Variants in DSCAML1 observed in about 807,000 individuals in gnomAD.
The protein encoded by DSCAML1 is DS cell adhesion molecule like 1, also known as cell adhesion molecule DSCAML1.
Under a neutral mutation model 200.5 loss-of-function variants are expected in DSCAML1, and 38 were observed. That is an observed-to-expected ratio of 0.19 (90% CI 0.15 to 0.25). The LOEUF is 0.25. Among genes scored for constraint, DSCAML1 ranks in the 10% least tolerant of loss-of-function variants. DSCAML1 has a pLI of 1.00. For missense variants in DSCAML1, 2,223 were observed against 2,858.8 expected (o/e 0.78, Z 5.07); for synonymous variants, 1,215 against 1,165.0 (o/e 1.04, Z -0.87).
At chr11:117,688,021 T>C (rs1209147452) in intron 3 of DSCAML1, among the ~76,000 whole-genome samples, 1 of 151,930 alleles carries the variant, frequency 6.6e-6, no homozygotes, top group South Asian at 2.1e-4. Flanking sequence ...CCATTCCCCG[T>C]GGTCGGCGAC....
intron 1 of DSCAML1, among the ~76,000 whole-genome samples, chr11:117,809,435 G>A (rs151224970): frequency 3.3e-5 from 5 of 152,350 alleles, no homozygotes; most frequent in East Asian, 3.9e-4. Flanking sequence ...GCGGTCCTCC[G>A]CGGAAGGAAG....
In DSCAML1 at chr11:117,518,114, C is replaced by T. The variant is rs961139411; in HGVS notation, c.1510+352G>A. 2.0e-5 allele frequency among the ~76,000 whole-genome samples: 3 copies of T among 152,136 alleles called. No homozygotes were observed. Among genetic ancestry groups the T allele is most frequent in the Non-Finnish European group, 4.4e-5 (3 of 68,040 alleles). On this transcript the variant is annotated intron_variant, in intron 7 of 32. Coordinates refer to ENST00000651296, the MANE Select transcript of DSCAML1 (RefSeq NM_020693.4). The surrounding 1 kb of genome is among the most constrained non-coding windows in gnomAD (Gnocchi z 6.3). ...CCTTACAAGGCCCTGGTGGGGCTGG[C>T]AGATACCAGCAGGTGTTTAGCATAC...
chr11:117,544,448 G>T (rs777170950), intron 3 of DSCAML1, among the ~76,000 whole-genome samples: 9 of 152,172 alleles, frequency 5.9e-5, no homozygotes, highest in Admixed American at 2.6e-4. Flanking sequence ...CCTGGCTGGC[G>T]GGAATTAGCT....
intron 14 of DSCAML1, among the ~76,000 whole-genome samples, chr11:117,475,680 G>A (rs975619614): frequency 1.3e-5 from 2 of 152,198 alleles, no homozygotes; most frequent in East Asian, 3.8e-4. Context: ...GGGACTTGAA[G>A]TTCCTCTGCA....
intron 8 of DSCAML1, among the ~76,000 whole-genome samples, chr11:117,513,740 C>CAAAA (rs58490526): frequency 2.6e-5 from 2 of 77,784 alleles, no homozygotes; most frequent in Non-Finnish European, 5.0e-5. Context: ...GACTCTATCT[C>CAAAA]AAAAAAAAAA....
At chr11:117,520,960 A>G (rs929464746) in intron 6 of DSCAML1, among the ~76,000 whole-genome samples, 170 bp downstream of exon 6, 4 of 152,198 alleles carry the variant, frequency 2.6e-5, no homozygotes, top group African/African-American at 9.7e-5. Flanking sequence ...AAAGATTTAA[A>G]TATAAAAAAG....
intron 3 of DSCAML1, among the ~76,000 whole-genome samples, chr11:117,754,715 G>T (rs2054658491): frequency 6.6e-6 from 1 of 152,128 alleles, no homozygotes; most frequent in Admixed American, 6.5e-5. Context: ...GGAAGGAGGA[G>T]GGGGAAACAG....
In DSCAML1 at chr11:117,505,159, G is replaced by C. The variant is rs1035639212; in HGVS notation, c.2063-116C>G. 7 of 1,459,894 alleles carry C rather than the reference G, an allele frequency of 4.8e-6. No individual in the cohort carries two copies. The highest frequency in any genetic ancestry group is 6.4e-6 in the Non-Finnish European group (7 of 1,086,778). The allele number at this position is 1,459,894 out of a possible 1,614,324, so 90.4% of individuals were successfully genotyped here. On this transcript the variant is annotated intron_variant, in intron 9 of 32. Coordinates refer to ENST00000651296, the MANE Select transcript of DSCAML1 (RefSeq NM_020693.4). The surrounding 1 kb of genome is among the most constrained non-coding windows in gnomAD (Gnocchi z 6.7). ...TGCCCGGGCCATTATAAAGTTGGAAGCGGGCAGTTTCTGAAACCCAAGATG... is the reference window on the plus strand; with the variant it reads ...TGCCCGGGCCATTATAAAGTTGGAACCGGGCAGTTTCTGAAACCCAAGATG...
intron 3 of DSCAML1, among the ~76,000 whole-genome samples, chr11:117,673,018 C>T (rs190078137): frequency 9.2e-5 from 14 of 152,260 alleles, no homozygotes; most frequent in Non-Finnish European, 1.9e-4. Context: ...GGCTCTAAGA[C>T]GTCTGTGCTC....
intron 3 of DSCAML1, among the ~76,000 whole-genome samples, chr11:117,746,720 TGCTCCCC>T (rs1400543193): frequency 5.8e-4 from 88 of 152,166 alleles, no homozygotes; most frequent in African/African-American, 2.1e-3. Flanking sequence ...GACCCTAGGG[TGCTCCCC>T]AAACACACAG....
intron 3 of DSCAML1, among the ~76,000 whole-genome samples, chr11:117,548,856 G>A (rs1317227745): frequency 2.0e-5 from 3 of 152,292 alleles, no homozygotes; most frequent in South Asian, 2.1e-4. Flanking sequence ...GAGAGTTACC[G>A]GGAGGAGTCG....
rs1202233650 is a variant in DSCAML1 at position 117,442,185 on chromosome 11, GTGTA to G, written c.3862+1697_3862+1700del. Among the ~76,000 whole-genome samples the G allele has an allele frequency of 8.5e-3, 1,283 of 151,748 alleles. 42 individuals carry two copies. In the East Asian group the frequency reaches 0.11, roughly 13 times the overall value. Reference sequence around the variant, plus strand: ...CGTATATGCATGTAGTGTGTATAGTGTGTATGTGTGTGCATGTGTGCATGTATTA... The same window carrying G: ...CGTATATGCATGTAGTGTGTATAGTGTGTGTGTGCATGTGTGCATGTATTA... On this transcript the variant is annotated intron_variant, in intron 21 of 32. Transcript: ENST00000651296.
chr11:117,703,251 C>A (rs1181817892), intron 3 of DSCAML1, among the ~76,000 whole-genome samples: 1 of 152,188 alleles, frequency 6.6e-6, no homozygotes, highest in Non-Finnish European at 1.5e-5. Flanking sequence ...AGGGCTATTT[C>A]ATCTTGAGAT....
At chr11:117,765,652 T>G (rs2054883957) in intron 3 of DSCAML1, among the ~76,000 whole-genome samples, 1 of 152,174 alleles carries the variant, frequency 6.6e-6, no homozygotes, top group Non-Finnish European at 1.5e-5. Context: ...ATAGAGAAAC[T>G]GCATGTAGAA....
chr11:117,650,709 G>A (rs2052615672), intron 3 of DSCAML1, among the ~76,000 whole-genome samples: 1 of 151,984 alleles, frequency 6.6e-6, no homozygotes, highest in Non-Finnish European at 1.5e-5. Context: ...GTGCGTGTGT[G>A]TGTGTGGTGG....
chr11:117,453,344 C>T (rs776723795), intron 19 of DSCAML1, among the ~76,000 whole-genome samples: 3 of 152,226 alleles, frequency 2.0e-5, no homozygotes, highest in Non-Finnish European at 4.4e-5. Flanking sequence ...ATTGCTCTGC[C>T]TTTACTCGTT....
chr11:117,458,985 C>G, intron 18 of DSCAML1, 76 bp from the exon 19 acceptor site: 2 of 1,557,132 alleles, frequency 1.3e-6, no homozygotes, highest in South Asian at 1.2e-5. Context: ...GCTGCCTGGG[C>G]TCTGCCCACA....
chr11:117,689,959 G>A (rs924850282), intron 3 of DSCAML1, among the ~76,000 whole-genome samples: 1 of 152,268 alleles, frequency 6.6e-6, no homozygotes, highest in Admixed American at 6.5e-5. Flanking sequence ...TCAAGGAGGT[G>A]GGGATGGGGG....
chr11:117,434,272 A>C (rs2047861839), intron 27 of DSCAML1, among the ~76,000 whole-genome samples: 1 of 151,814 alleles, frequency 6.6e-6, no homozygotes, highest in Non-Finnish European at 1.5e-5. Flanking sequence ...ACCAACCATT[A>C]ATTCATCATC....
Sources: allele counts gnomAD v4.1 joint callset (sites outside exome capture counted in the v4.1 genomes callset), GRCh38; gene constraint gnomAD v4.1.1; non-coding constraint Gnocchi (gnomAD v3.1); transcripts MANE v1.5; gene names NCBI Gene and HGNC (gene_info 2026-07-23, HGNC 2026-07-21).